Variants in DLGAP2 observed in about 807,000 individuals in gnomAD.
DLGAP2 encodes the protein DLG associated protein 2.
Under a neutral mutation model 100.3 loss-of-function variants are expected in DLGAP2, and 26 were observed. The ratio of observed to expected loss-of-function variants is 0.26; its 90% CI spans 0.19 to 0.36. DLGAP2 has a LOEUF of 0.36. Among genes scored for constraint, DLGAP2 ranks in the 10% least tolerant of loss-of-function variants. The pLI, the probability that DLGAP2 is intolerant of heterozygous loss-of-function variation, is 1.00. For missense variants in DLGAP2, 1,858 were observed against 1,453.2 expected (o/e 1.28, Z -4.53); for synonymous variants, 886 against 630.1 (o/e 1.41, Z -6.08).
chr8:1,419,865 G>C (rs563471261), intron 3 of DLGAP2, among the ~76,000 whole-genome samples: 1 of 152,310 alleles, frequency 6.6e-6, no homozygotes, highest in African/African-American at 2.4e-5. Context: ...ACAGCCAAAA[G>C]AAATGGTATC....
chr8:1,467,672 C>T (rs1279318947), intron 3 of DLGAP2, among the ~76,000 whole-genome samples: 1 of 152,292 alleles, frequency 6.6e-6, no homozygotes, highest in East Asian at 1.9e-4. Context: ...TAGCCCCCAG[C>T]ACAGAACCAC....
intron 2 of DLGAP2, among the ~76,000 whole-genome samples, chr8:1,130,174 A>G (rs1313971428): frequency 6.6e-6 from 1 of 152,122 alleles, no homozygotes; most frequent in Non-Finnish European, 1.5e-5. Flanking sequence ...TCCGATGCAG[A>G]GGGACCTTCA....
At chr8:739,720 C>G (rs1049821346) in intron 1 of DLGAP2, 1 of 152,194 alleles carries the variant, frequency 6.6e-6, no homozygotes, top group Non-Finnish European at 1.5e-5. Flanking sequence ...AGATTTGGCT[C>G]CAATAGTAAT....
At chr8:1,191,838 T>C (rs1409665298) in intron 2 of DLGAP2, among the ~76,000 whole-genome samples, 2 of 152,216 alleles carry the variant, frequency 1.3e-5, no homozygotes, top group Non-Finnish European at 2.9e-5. Context: ...TTTAAGCTGA[T>C]ATTACGTGTT....
chr8:808,684 G>A (rs960668123), intron 1 of DLGAP2, among the ~76,000 whole-genome samples: 1 of 152,202 alleles, frequency 6.6e-6, no homozygotes, highest in African/African-American at 2.4e-5. Context: ...GAGGGGCAGT[G>A]CTGCTTTGTG....
chr8:1,118,796 G>C (rs1795962642), intron 2 of DLGAP2, among the ~76,000 whole-genome samples: 1 of 152,168 alleles, frequency 6.6e-6, no homozygotes, highest in Non-Finnish European at 1.5e-5. Flanking sequence ...ACGACCTTGG[G>C]TGAGTTCTTC....
chr8:1,263,739 A>G (rs1799397111), intron 3 of DLGAP2, among the ~76,000 whole-genome samples: 1 of 152,180 alleles, frequency 6.6e-6, no homozygotes, highest in African/African-American at 2.4e-5. Flanking sequence ...TGAAGAGCTT[A>G]GAAATAACCC....
chr8:898,363 G>A (rs372411007), intron 1 of DLGAP2, among the ~76,000 whole-genome samples: 3 of 152,272 alleles, frequency 2.0e-5, no homozygotes, highest in East Asian at 1.9e-4. Context: ...GCATCTCCTC[G>A]GGCTGAAGTG....
intron 2 of DLGAP2, among the ~76,000 whole-genome samples, chr8:983,257 T>C (rs1384948517): frequency 1.3e-5 from 2 of 151,994 alleles, no homozygotes; most frequent in African/African-American, 4.8e-5. Flanking sequence ...TCCCTTAGAA[T>C]CCACGTGTTG....
chr8:776,890 A>G (rs941686461), intron 1 of DLGAP2, among the ~76,000 whole-genome samples: 2 of 152,116 alleles, frequency 1.3e-5, no homozygotes, highest in Non-Finnish European at 2.9e-5. Context: ...GCTGAGTTCA[A>G]TTCCTGGGTA....
chr8:1,253,090 T>A (rs1020277922), intron 2 of DLGAP2, among the ~76,000 whole-genome samples: 1 of 152,186 alleles, frequency 6.6e-6, no homozygotes, highest in Non-Finnish European at 1.5e-5. Flanking sequence ...CCCGGGCCTG[T>A]CCCCGCGTGG....
chr8:1,008,255 C>T (rs1343077383), intron 2 of DLGAP2, among the ~76,000 whole-genome samples: 1 of 152,098 alleles, frequency 6.6e-6, no homozygotes. Flanking sequence ...AAAAACAGGC[C>T]ATTTGAAAAC....
At chr8:862,058 C>G (rs970312757) in intron 1 of DLGAP2, among the ~76,000 whole-genome samples, 24 of 152,306 alleles carry the variant, frequency 1.6e-4, no homozygotes, top group Non-Finnish European at 2.6e-4. Flanking sequence ...ACACAGTTTT[C>G]TGTAATTCTC....
intron 3 of DLGAP2, among the ~76,000 whole-genome samples, chr8:1,445,397 T>C (rs927222782): frequency 6.6e-6 from 1 of 151,914 alleles, no homozygotes; most frequent in African/African-American, 2.4e-5. Flanking sequence ...GTTTCATCCA[T>C]GTCCCTACAA....
At chr8:1,325,654 C>T (rs1255612497) in intron 3 of DLGAP2, among the ~76,000 whole-genome samples, 1 of 152,216 alleles carries the variant, frequency 6.6e-6, no homozygotes, top group African/African-American at 2.4e-5. Context: ...GAGCAGCCTC[C>T]AGCAGTGATT....
chr8:1,462,509 G>A lies in DLGAP2; in HGVS notation c.107-38857G>A, dbSNP rs111692912. 1.0e-3 allele frequency among the ~76,000 whole-genome samples: 44 copies of A among 42,886 alleles called. 3 individuals carry two copies. Among genetic ancestry groups the A allele is most frequent in the South Asian group, 6.1e-3 (5 of 816 alleles). The allele number at this position is 42,886 out of a possible 152,430, so 28.1% of individuals were successfully genotyped here. On this transcript the variant is annotated intron_variant, in intron 3 of 14. Coordinates refer to ENST00000637795, the MANE Select transcript of DLGAP2 (RefSeq NM_001346810.2). Reference sequence around the variant, plus strand: ...GGGAGAAGGTGCTGCTGTCACGTGGGCTGGGTGCAGTCGCTGATTTGGTGG... The same window carrying A: ...GGGAGAAGGTGCTGCTGTCACGTGGACTGGGTGCAGTCGCTGATTTGGTGG...
rs1412533400 is a variant in DLGAP2 at position 1,562,774 on chromosome 8, G to T, written c.1231-2909G>T. Among the ~76,000 whole-genome samples, 15 of 28,758 alleles carry T rather than the reference G, an allele frequency of 5.2e-4. 3 individuals carry two copies. The highest frequency in any genetic ancestry group is 2.3e-3 in the African/African-American group (15 of 6,444). 18.9% of individuals were successfully genotyped at this position (28,758 alleles called of 152,430 possible). A position where few individuals can be genotyped will look rare whatever the true frequency, so the allele number is the denominator to read the frequency against. On this transcript the variant is annotated intron_variant, in intron 5 of 14. Transcript: ENST00000637795. The stretch of plus-strand genomic sequence containing the variant: ...TGGGGTGTCTGCGCCTCGTTACTGG[G>T]GGACTGTGTGGTGTTGGGTGTCCGC...
At chr8:1,615,528 G>A (rs1474856138) in intron 6 of DLGAP2, among the ~76,000 whole-genome samples, 2 of 152,104 alleles carry the variant, frequency 1.3e-5, no homozygotes, top group Admixed American at 1.3e-4. Flanking sequence ...AAGGTCTTAT[G>A]AATGATATAA....
intron 6 of DLGAP2, chr8:1,622,359 C>A (rs1425208693): frequency 6.6e-6 from 1 of 152,182 alleles, no homozygotes; most frequent in African/African-American, 2.4e-5. Context: ...TTACTGCTTT[C>A]CAAGGTAACA....
Sources: gnomAD v4.1 joint callset for allele counts (sites outside exome capture counted in the v4.1 genomes callset) on GRCh38, gnomAD v4.1.1 for gene constraint, MANE v1.5 for transcripts, NCBI Gene and HGNC (gene_info 2026-07-23, HGNC 2026-07-21) for gene names.